SLC1A1: variants seen among roughly 807,000 people sequenced by gnomAD.
SLC1A1 encodes excitatory amino acid transporter 3.
Under a neutral mutation model 53.3 loss-of-function variants are expected in SLC1A1, and 43 were observed. The ratio of observed to expected loss-of-function variants is 0.81; its 90% CI spans 0.63 to 1.04. The LOEUF is 1.04. Among genes scored for constraint, SLC1A1 ranks in the 50% least tolerant of loss-of-function variants. SLC1A1 has a pLI of 0.00. For missense variants in SLC1A1, 748 were observed against 664.9 expected (o/e 1.12, Z -1.37); for synonymous variants, 307 against 243.2 (o/e 1.26, Z -2.44).
At chr9:4,541,227 G>T (rs943952722) in intron 1 of SLC1A1, among the ~76,000 whole-genome samples, 9 of 152,184 alleles carry the variant, frequency 5.9e-5, no homozygotes, top group African/African-American at 2.2e-4. Context: ...CAGTTTTAAA[G>T]AGTTTATTCA....
chr9:4,499,488 T>C (rs1007014767), intron 1 of SLC1A1, among the ~76,000 whole-genome samples: 3 of 152,240 alleles, frequency 2.0e-5, no homozygotes, highest in African/African-American at 7.2e-5. Flanking sequence ...GTTTTCATTT[T>C]TGCAACTAAA....
At chr9:4,510,506 A>G (rs774199882) in intron 1 of SLC1A1, among the ~76,000 whole-genome samples, 2 of 152,200 alleles carry the variant, frequency 1.3e-5, no homozygotes, top group Non-Finnish European at 2.9e-5. Context: ...CTCAGATACC[A>G]TAAGAGTCTA....
chr9:4,536,647 G>T (rs1042086008), intron 1 of SLC1A1, among the ~76,000 whole-genome samples: 2 of 152,172 alleles, frequency 1.3e-5, no homozygotes, highest in African/African-American at 4.8e-5. Flanking sequence ...ATTCCTCAGG[G>T]ATCTTGAACT....
rs965222397 is a variant in SLC1A1, at chr9:4,583,230, G to C, written c.1328+58G>C. 13 of 1,600,850 alleles carry C rather than the reference G, an allele frequency of 8.1e-6. No homozygotes were observed. The highest frequency in any genetic ancestry group is 2.7e-5 in the African/African-American group (2 of 74,816). On this transcript the variant is annotated intron_variant, in intron 11 of 11. Transcript: ENST00000262352. The surrounding 1 kb of genome is among the most constrained non-coding windows in gnomAD (Gnocchi z 4.6). ...ATGTGCAGGCGGGCTTCCCAGCCTC[G>C]CAGGCGCTGCAGTCTGTCATCATTC...
Position 4,573,971 on chromosome 9 carries a change from A to C in SLC1A1, c.832A>C (p.Ile278Leu). Residue 278 changes from isoleucine (I) to leucine (L), a missense_variant, in exon 8 of 12, where the codon ATA becomes CTA. Transcript: ENST00000262352. ...GATCATAGAAGTTGAAGACTGGGAAATATTCCGCAAGCTGGGCCTTTACAT... is the reference window on the plus strand; with the variant it reads ...GATCATAGAAGTTGAAGACTGGGAACTATTCCGCAAGCTGGGCCTTTACAT... ...GKIIEVEDWE[I>L]FRKLGLYMAT... The C allele has an allele frequency of 6.2e-7, 1 of 1,614,054 alleles. No individual in the cohort carries two copies. Among genetic ancestry groups the C allele is most frequent in the Non-Finnish European group, 8.5e-7 (1 of 1,179,912 alleles).
At position 4,511,540 on chromosome 9, in the gene SLC1A1, G is replaced by T. The variant is rs116095484; in HGVS notation, c.91+20770G>T. Among the ~76,000 whole-genome samples, 1,064 of 147,998 alleles carry T rather than the reference G, an allele frequency of 7.2e-3. 7 individuals are homozygous for T. The highest frequency in any genetic ancestry group is 0.024 in the African/African-American group (956 of 39,556). On this transcript the variant is annotated intron_variant, in intron 1 of 11. Transcript: ENST00000262352. The stretch of plus-strand genomic sequence containing the variant: ...GCAGAGGAGAAGAAAAATTAAGCAT[G>T]TTTTGCCTTAAACTCTTAAGAATTC...
intron 1 of SLC1A1, among the ~76,000 whole-genome samples, chr9:4,519,598 T>G (rs1366657692): frequency 1.3e-5 from 2 of 152,236 alleles, no homozygotes; most frequent in Non-Finnish European, 2.9e-5. Flanking sequence ...TGAGCCTTCC[T>G]GCAGGCCAAG....
chr9:4,514,881 C>G (rs945563729), intron 1 of SLC1A1, among the ~76,000 whole-genome samples: 2 of 152,106 alleles, frequency 1.3e-5, no homozygotes, highest in South Asian at 2.1e-4. Context: ...AAGACAGTGT[C>G]AGAGGCCATC....
intron 6 of SLC1A1, among the ~76,000 whole-genome samples, chr9:4,569,472 T>A (rs1308305005): frequency 6.6e-6 from 1 of 152,232 alleles, no homozygotes; most frequent in Non-Finnish European, 1.5e-5. Context: ...AAAATCAACA[T>A]GCTTTGAGAG....
chr9:4,546,709 C>G (rs971916902), intron 2 of SLC1A1, among the ~76,000 whole-genome samples: 2 of 152,194 alleles, frequency 1.3e-5, no homozygotes, highest in African/African-American at 4.8e-5. Flanking sequence ...GTTGCCCAGG[C>G]TGGTCTTGAA....
chr9:4,542,761 T>A (rs1263241566), intron 1 of SLC1A1, among the ~76,000 whole-genome samples: 1 of 152,198 alleles, frequency 6.6e-6, no homozygotes, highest in African/African-American at 2.4e-5. Flanking sequence ...TCGTACTTTT[T>A]AAATTTATTT....
At chr9:4,491,468 T>C (rs1820234934) in intron 1 of SLC1A1, among the ~76,000 whole-genome samples, 3 of 152,236 alleles carry the variant, frequency 2.0e-5, no homozygotes. Context: ...CCTTCCTTGC[T>C]CTCCACGTTG....
intron 1 of SLC1A1, among the ~76,000 whole-genome samples, chr9:4,495,251 G>A (rs1006288753): frequency 1.3e-5 from 2 of 152,154 alleles, no homozygotes; most frequent in Admixed American, 6.5e-5. Context: ...TAGAACCTTG[G>A]CTCAGCAGTG....
chr9:4,545,319 TCCA>T (rs971276546), intron 2 of SLC1A1, among the ~76,000 whole-genome samples: 9 of 152,234 alleles, frequency 5.9e-5, no homozygotes, highest in Non-Finnish European at 1.2e-4. Flanking sequence ...TACAGCTCTG[TCCA>T]CCACTGCTCA....
chr9:4,491,604 G>C (rs901053138), intron 1 of SLC1A1, among the ~76,000 whole-genome samples: 1 of 152,220 alleles, frequency 6.6e-6, no homozygotes. Flanking sequence ...AGAGGTATGA[G>C]TTATTCCTAT....
At chr9:4,530,862 C>A (rs958237098) in intron 1 of SLC1A1, among the ~76,000 whole-genome samples, 1 of 152,158 alleles carries the variant, frequency 6.6e-6, no homozygotes, top group Non-Finnish European at 1.5e-5. Flanking sequence ...ACTGTACTTT[C>A]TTACCTTAAA....
chr9:4,540,760 G>A lies in SLC1A1; in HGVS notation c.92-3807G>A, dbSNP rs572104339. 3.3e-5 allele frequency among the ~76,000 whole-genome samples: 5 copies of A among 152,302 alleles called. No homozygotes were observed. In the East Asian group the frequency reaches 5.8e-4, roughly 18 times the overall value. On this transcript the variant is annotated intron_variant, in intron 1 of 11. Transcript: ENST00000262352. ...GTGCACTGCAGTTCCCACCTGCAAC[G>A]GTGTCAGGGAAATTTCCTGCTTCAA...
intron 1 of SLC1A1, among the ~76,000 whole-genome samples, chr9:4,499,264 C>G (rs1160826436): frequency 1.4e-4 from 22 of 151,800 alleles, no homozygotes; most frequent in Admixed American, 1.2e-3. Flanking sequence ...AGGCTGGTCT[C>G]GAACTCCTGA....
At chr9:4,544,914 A>C (rs144658625) in intron 2 of SLC1A1, among the ~76,000 whole-genome samples, 56 of 152,318 alleles carry the variant, frequency 3.7e-4, no homozygotes, top group South Asian at 2.5e-3. Context: ...GGAAGGAGAA[A>C]GGCTGGGCGA....
Sources: allele counts gnomAD v4.1 joint callset (sites outside exome capture counted in the v4.1 genomes callset), GRCh38; gene constraint gnomAD v4.1.1; non-coding constraint Gnocchi (gnomAD v3.1); transcripts MANE v1.5; gene names NCBI Gene and HGNC (gene_info 2026-07-23, HGNC 2026-07-21).